SRRM4: variants seen among roughly 807,000 people sequenced by gnomAD.
The protein encoded by SRRM4 is serine/arginine repetitive matrix protein 4.
Under a neutral mutation model 68.9 loss-of-function variants are expected in SRRM4, and 33 were observed. That is an observed-to-expected ratio of 0.48 (90% confidence interval 0.36 to 0.64). The LOEUF (loss-of-function observed/expected upper bound fraction) is 0.64. Ranked by LOEUF, SRRM4 falls within the 30% of genes least tolerant of loss-of-function variation. SRRM4 has a pLI of 0.00. For missense variants in SRRM4, 817 were observed against 827.1 expected (o/e 0.99, Z 0.15); for synonymous variants, 318 against 318.8 (o/e 1.00, Z 0.03).
intron 1 of SRRM4, among the ~76,000 whole-genome samples, chr12:119,050,500 GC>G (rs1953735819): frequency 6.6e-6 from 1 of 152,230 alleles, no homozygotes. Flanking sequence ...TAATACGTGT[GC>G]TTTTAGAGAC....
chr12:119,024,479 T>G (rs1335501223), intron 1 of SRRM4, among the ~76,000 whole-genome samples: 1 of 152,216 alleles, frequency 6.6e-6, no homozygotes, highest in African/African-American at 2.4e-5. Context: ...GCTGGGCCCC[T>G]TTGTGTAACT....
At chr12:119,012,438 ATTC>A (rs1427099569) in intron 1 of SRRM4, among the ~76,000 whole-genome samples, 1 of 151,936 alleles carries the variant, frequency 6.6e-6, no homozygotes, top group African/African-American at 2.4e-5. Context: ...AACTCTGTGA[ATTC>A]TTCTCTCCTG....
chr12:119,153,957 G>A (rs78896165), intron 11 of SRRM4, among the ~76,000 whole-genome samples: 1 of 151,804 alleles, frequency 6.6e-6, no homozygotes, highest in African/African-American at 2.4e-5. Flanking sequence ...CAGGGCCTGC[G>A]TAACATTCAC....
chr12:118,990,815 T>C (rs1176355309), intron 1 of SRRM4, among the ~76,000 whole-genome samples: 1 of 144,880 alleles, frequency 6.9e-6, no homozygotes, highest in South Asian at 2.1e-4. Context: ...CTTGTTTGTG[T>C]TTTTTTGGTT....
rs2136072586 is a variant in SRRM4, at chr12:119,159,152, G to C, written c.*2354G>C. The C allele has an allele frequency of 6.6e-6, 1 of 152,216 alleles. No homozygotes were observed. Among genetic ancestry groups the C allele is most frequent in the Non-Finnish European group, 1.5e-5 (1 of 68,058 alleles). The allele number at this position is 152,216 out of a possible 1,614,324, so 9.4% of individuals were successfully genotyped here. A position where few individuals can be genotyped will look rare whatever the true frequency, so the allele number is the denominator to read the frequency against. The stretch of plus-strand genomic sequence containing the variant: ...AAGGCTCTAAGCCTGGAACACCCTG[G>C]GGTTGGCCCAGAAGGAGGCACATCA... On this transcript the variant is annotated 3_prime_UTR_variant, in exon 13 of 13. Coordinates refer to ENST00000267260, the MANE Select transcript of SRRM4 (RefSeq NM_194286.4).
At position 119,007,043 on chromosome 12, in the gene SRRM4, C is replaced by A. The variant is rs953022648; in HGVS notation, c.131+25030C>A. 2.6e-4 allele frequency among the ~76,000 whole-genome samples: 39 copies of A among 152,166 alleles called. 1 individual carries two copies. The highest frequency in any genetic ancestry group is 2.6e-4 in the Admixed American group (4 of 15,282). On this transcript the variant is annotated intron_variant, in intron 1 of 12. Transcript: ENST00000267260. The stretch of plus-strand genomic sequence containing the variant: ...CCTCAGGGTCAGCTTTATGGATTTG[C>A]ACATTAACCCTTCCCTCCCCAGCAG...
At position 119,021,534 on chromosome 12, in the gene SRRM4, G is replaced by A. The variant is rs115216318; in HGVS notation, c.131+39521G>A. Reference sequence around the variant, plus strand: ...CCAAGATGTCTGTGTGCACACCAGTGTGCACCAACTACCCCCAGTGGTCAT... The same window carrying A: ...CCAAGATGTCTGTGTGCACACCAGTATGCACCAACTACCCCCAGTGGTCAT... On this transcript the variant is annotated intron_variant, in intron 1 of 12. Transcript: ENST00000267260. 8.2e-3 allele frequency among the ~76,000 whole-genome samples: 1,249 copies of A among 152,306 alleles called. 22 individuals are homozygous for A. Among genetic ancestry groups the A allele is most frequent in the African/African-American group, 0.028 (1,183 of 41,566 alleles).
chr12:119,050,904 C>A (rs1009958894), intron 1 of SRRM4, among the ~76,000 whole-genome samples: 13 of 152,034 alleles, frequency 8.6e-5, no homozygotes, highest in Non-Finnish European at 1.6e-4. Flanking sequence ...TTCTAAGTCA[C>A]CCTAGCCACA....
rs778238284 is a variant in SRRM4, at chr12:119,125,525, C to G, written c.614+46C>G. 9 of 1,550,050 alleles carry G rather than the reference C, an allele frequency of 5.8e-6. No individual in the cohort carries two copies. In the Admixed American group the frequency reaches 1.5e-4, roughly 26 times the overall value. On this transcript the variant is annotated intron_variant, in intron 7 of 12. Transcript: ENST00000267260. ...CCTCTTCTGTCAGCCACAGCCGAGC[C>G]CAGGCTAAGACACTGTTAACACTAG... is the stretch of plus-strand genomic sequence containing the variant.
chr12:118,993,693 G>C (rs1166838073), intron 1 of SRRM4, among the ~76,000 whole-genome samples: 2 of 152,186 alleles, frequency 1.3e-5, no homozygotes, highest in African/African-American at 4.8e-5. Context: ...CAAGATTGCT[G>C]TAGCCCAACC....
chr12:119,030,510 G>A (rs1406465960), intron 1 of SRRM4, among the ~76,000 whole-genome samples: 1 of 145,648 alleles, frequency 6.9e-6, no homozygotes, highest in Non-Finnish European at 1.5e-5. Flanking sequence ...ACAAAAAAAA[G>A]TCTGTTGTCA....
At chr12:119,102,994 C>G (rs1359747403) in intron 2 of SRRM4, among the ~76,000 whole-genome samples, 1 of 152,134 alleles carries the variant, frequency 6.6e-6, no homozygotes, top group Non-Finnish European at 1.5e-5. Flanking sequence ...ATGACAGCCA[C>G]TAAGTGGCAG....
intron 1 of SRRM4, among the ~76,000 whole-genome samples, chr12:119,041,497 A>G (rs139945687): frequency 8.1e-4 from 124 of 152,336 alleles, no homozygotes; most frequent in African/African-American, 2.9e-3. Flanking sequence ...TGGCATTTCA[A>G]TTTCAAGAAT....
intron 1 of SRRM4, among the ~76,000 whole-genome samples, chr12:119,038,907 G>T (rs1953647208): frequency 6.6e-6 from 1 of 152,198 alleles, no homozygotes; most frequent in Non-Finnish European, 1.5e-5. Flanking sequence ...GGATGCAGTT[G>T]AGGAGCTGAA....
intron 1 of SRRM4, chr12:118,992,134 C>G (rs1031877654): frequency 6.6e-6 from 1 of 152,200 alleles, no homozygotes; most frequent in African/African-American, 2.4e-5. Flanking sequence ...AATTCAGCTC[C>G]TCTTTTAGCA....
chr12:119,009,805 C>T (rs577248092), intron 1 of SRRM4, among the ~76,000 whole-genome samples: 1 of 152,280 alleles, frequency 6.6e-6, no homozygotes, highest in East Asian at 1.9e-4. Flanking sequence ...AGACAATAAA[C>T]AAGGGAACCA....
intron 1 of SRRM4, among the ~76,000 whole-genome samples, chr12:119,012,350 A>G (rs1304296272): frequency 1.3e-5 from 2 of 152,218 alleles, no homozygotes; most frequent in African/African-American, 2.4e-5. Flanking sequence ...GGTCTTTTTC[A>G]TCAAGGTTGC....
At chr12:119,153,846 G>A (rs930196399) in intron 11 of SRRM4, among the ~76,000 whole-genome samples, 197 bp downstream of exon 11, 2 of 152,026 alleles carry the variant, frequency 1.3e-5, no homozygotes, top group East Asian at 1.9e-4. Context: ...AATGTCTCCA[G>A]CCCAAACAGT....
chr12:119,122,804 T>A (rs1456326758), intron 6 of SRRM4, among the ~76,000 whole-genome samples: 1 of 152,070 alleles, frequency 6.6e-6, no homozygotes, highest in Non-Finnish European at 1.5e-5. Flanking sequence ...GTCATGGGGG[T>A]GTGAGCACAT....
Sources: gnomAD v4.1 joint callset for allele counts (sites outside exome capture counted in the v4.1 genomes callset) on GRCh38, gnomAD v4.1.1 for gene constraint, MANE v1.5 for transcripts, NCBI Gene and HGNC (gene_info 2026-07-23, HGNC 2026-07-21) for gene names.